Variants in EPS15 observed in about 807,000 individuals in gnomAD.
EPS15 encodes the protein epidermal growth factor receptor substrate 15.
Under a neutral mutation model 113.8 loss-of-function variants are expected in EPS15, and 72 were observed. The ratio of observed to expected loss-of-function variants is 0.63; its 90% CI spans 0.52 to 0.77. EPS15 has a LOEUF of 0.77. Ranked by LOEUF, EPS15 falls within the 30% of genes least tolerant of loss-of-function variation. EPS15 has a pLI of 0.00. For synonymous variants in EPS15, 344 were observed against 363.4 expected (o/e 0.95, Z 0.61); for missense variants, 1,048 against 1,045.8 (o/e 1.00, Z -0.03).
At chr1:51,395,397 T>G (rs1321260504) in intron 20 of EPS15, among the ~76,000 whole-genome samples, 1 of 152,222 alleles carries the variant, frequency 6.6e-6, no homozygotes, top group Non-Finnish European at 1.5e-5. Flanking sequence ...CACACACTAT[T>G]TTAATTCTCA....
intron 1 of EPS15, among the ~76,000 whole-genome samples, chr1:51,508,174 C>G (rs1382948838): frequency 1.2e-5 from 1 of 83,430 alleles, no homozygotes; most frequent in Non-Finnish European, 2.2e-5. Flanking sequence ...GAGCAAGACT[C>G]AGTCACAAAA....
At chr1:51,425,492 A>AT (rs554120318) in intron 12 of EPS15, among the ~76,000 whole-genome samples, 382 of 152,326 alleles carry the variant, frequency 2.5e-3, no homozygotes, top group Non-Finnish European at 4.4e-3. Flanking sequence ...AGCATCCACT[A>AT]TTTCGTAACC....
Position 51,356,457 on chromosome 1 carries a change from T to A in EPS15, c.*243A>T. 1 of 416,906 alleles carries A rather than the reference T, an allele frequency of 2.4e-6. No homozygotes were observed. Among genetic ancestry groups the A allele is most frequent in the Non-Finnish European group, 4.2e-6 (1 of 235,808 alleles). 25.8% of individuals were successfully genotyped at this position (416,906 alleles called of 1,614,324 possible). On this transcript the variant is annotated 3_prime_UTR_variant, in exon 25 of 25. Coordinates refer to ENST00000371733, the MANE Select transcript of EPS15 (RefSeq NM_001981.3). ...CAGGCAAAAGCTCACAGTAAATGTA[T>A]ACCAGAACAGGGGCCTAAGTGAAGG...
intron 21 of EPS15, among the ~76,000 whole-genome samples, chr1:51,384,889 T>C (rs1647028066): frequency 6.6e-6 from 1 of 152,140 alleles, no homozygotes; most frequent in Admixed American, 6.5e-5. Context: ...AAACTGAATA[T>C]CCACATGCAA....
At chr1:51,379,281 G>A (rs573010242) in intron 21 of EPS15, among the ~76,000 whole-genome samples, 59 of 152,184 alleles carry the variant, frequency 3.9e-4, no homozygotes, top group African/African-American at 1.3e-3. Context: ...CACCACGCCC[G>A]GATAATTTTT....
chr1:51,397,830 C>G (rs1051003162), intron 20 of EPS15, among the ~76,000 whole-genome samples: 1 of 152,246 alleles, frequency 6.6e-6, no homozygotes, highest in African/African-American at 2.4e-5. Context: ...TTTTTTGCTT[C>G]AAATGCTTCT....
At chr1:51,408,410 T>A in intron 14 of EPS15, 78 bp from the exon 15 acceptor site, 1 of 1,040,680 alleles carries the variant, frequency 9.6e-7, no homozygotes, top group Non-Finnish European at 1.5e-6. Context: ...ATGCAATACA[T>A]TTATTTGTTT....
At chr1:51,462,552 A>G (rs1234243099) in intron 7 of EPS15, among the ~76,000 whole-genome samples, 1 of 152,154 alleles carries the variant, frequency 6.6e-6, no homozygotes, top group Non-Finnish European at 1.5e-5. Flanking sequence ...CCTGCTCAGT[A>G]GTCCACATGC....
intron 1 of EPS15, among the ~76,000 whole-genome samples, chr1:51,491,579 T>G: frequency 6.6e-6 from 1 of 151,978 alleles, no homozygotes; most frequent in East Asian, 1.9e-4. Context: ...TAAGGAGCAA[T>G]AGTGATTAAC....
intron 1 of EPS15, among the ~76,000 whole-genome samples, chr1:51,508,835 T>C (rs1644569157): frequency 6.6e-6 from 1 of 152,154 alleles, no homozygotes; most frequent in Non-Finnish European, 1.5e-5. Context: ...TATCCCACAA[T>C]ATGAACTCTA....
rs144858039 is a variant in EPS15, at chr1:51,512,969, C to T, written c.33+6230G>A. Among the ~76,000 whole-genome samples, 5 of 150,694 alleles carry T rather than the reference C, an allele frequency of 3.3e-5. No individual in the cohort carries two copies. In the East Asian group the frequency reaches 9.8e-4, roughly 29 times the overall value. ...GCTCACCTGTAGCCTGCTAGGACTA[C>T]GGGCACACACCACCATGCCCAGCTA... On this transcript the variant is annotated intron_variant, in intron 1 of 24. Transcript: ENST00000371733.
At chr1:51,357,659 G>GA (rs35386243) in intron 24 of EPS15, among the ~76,000 whole-genome samples, 5,585 of 62,046 alleles carry the variant, frequency 0.09, 127 homozygotes, top group Non-Finnish European at 0.12. Flanking sequence ...TAAGAAGCAA[G>GA]AAAAAAAAAA....
At chr1:51,471,666 AT>A (rs1557501931) in intron 4 of EPS15, 23 bp downstream of exon 4, 2 of 1,573,536 alleles carry the variant, frequency 1.3e-6, no homozygotes, top group African/African-American at 1.4e-5. Context: ...CAAAAAAAAA[AT>A]CATATGAATA....
At chr1:51,495,023 T>C in intron 1 of EPS15, among the ~76,000 whole-genome samples, 1 of 152,234 alleles carries the variant, frequency 6.6e-6, no homozygotes, top group East Asian at 1.9e-4. Context: ...GGCAGAAATG[T>C]AACCTTAGTG....
chr1:51,394,706 CA>C (rs1169067313), intron 20 of EPS15, among the ~76,000 whole-genome samples: 1 of 152,190 alleles, frequency 6.6e-6, no homozygotes, highest in Non-Finnish European at 1.5e-5. Flanking sequence ...AAGTAAGTAT[CA>C]AGTGAACACT....
chr1:51,495,442 A>G (rs1445155096), intron 1 of EPS15, among the ~76,000 whole-genome samples: 2 of 151,526 alleles, frequency 1.3e-5, no homozygotes, highest in Non-Finnish European at 1.5e-5. Context: ...GTCAAGAAAT[A>G]TAAAAGAATA....
chr1:51,454,857 C>T (rs940327809), intron 8 of EPS15, among the ~76,000 whole-genome samples: 7 of 150,640 alleles, frequency 4.6e-5, no homozygotes, highest in African/African-American at 7.3e-5. Context: ...GGGAAAACAG[C>T]GAAGGGGAAT....
intron 1 of EPS15, among the ~76,000 whole-genome samples, chr1:51,506,321 G>C (rs764004088): frequency 6.6e-6 from 1 of 152,006 alleles, no homozygotes; most frequent in Admixed American, 6.6e-5. Context: ...TTAAAGCTAG[G>C]ACTAGAAATC....
At chr1:51,488,886 G>C (rs1265232268) in intron 1 of EPS15, among the ~76,000 whole-genome samples, 1 of 152,184 alleles carries the variant, frequency 6.6e-6, no homozygotes, top group Non-Finnish European at 1.5e-5. Context: ...TGCATCTAAA[G>C]AGAAAGGAAA....
Sources: gnomAD v4.1 joint callset for allele counts (sites outside exome capture counted in the v4.1 genomes callset) on GRCh38, gnomAD v4.1.1 for gene constraint, MANE v1.5 for transcripts, NCBI Gene and HGNC (gene_info 2026-07-23, HGNC 2026-07-21) for gene names.